ATL1: variants seen among roughly 807,000 people sequenced by gnomAD.
ATL1 encodes the protein atlastin GTPase 1, also known as atlastin-1.
ATL1 carries 31 observed loss-of-function variants against 75.5 expected under a neutral mutation model. The ratio of observed to expected loss-of-function variants is 0.41; its 90% confidence interval spans 0.31 to 0.55. ATL1 has a LOEUF of 0.55. Among genes scored for constraint, ATL1 ranks in the 20% least tolerant of loss-of-function variants. ATL1 has a pLI of 0.27. For missense variants in ATL1, 405 were observed against 662.6 expected (o/e 0.61, Z 4.27); for synonymous variants, 226 against 233.3 (o/e 0.97, Z 0.28).
chr14:50,533,286 C>G (rs1402919420), exon 1 of ATL1: 1 of 152,054 alleles, frequency 6.6e-6, no homozygotes, highest in Non-Finnish European at 1.5e-5. Context: ...GGTTCTGGTT[C>G]TACCACTTCC....
chr14:50,598,254 T>C (rs1318342127), intron 6 of ATL1, among the ~76,000 whole-genome samples: 1 of 152,224 alleles, frequency 6.6e-6, no homozygotes, highest in East Asian at 1.9e-4. Context: ...TCAAACTCAG[T>C]GCAATTATAA....
intron 1 of ATL1, chr14:50,542,729 T>C (rs891376346): frequency 6.6e-6 from 1 of 152,196 alleles, no homozygotes; most frequent in Non-Finnish European, 1.5e-5. Context: ...GGTTTATTAA[T>C]GGTCTGCATA....
intron 1 of ATL1, among the ~76,000 whole-genome samples, chr14:50,539,308 C>G (rs1004921847): frequency 6.6e-6 from 1 of 152,172 alleles, no homozygotes; most frequent in African/African-American, 2.4e-5. Flanking sequence ...GTGAGGTTTA[C>G]TAAAATTATT....
upstream of ATL1, among the ~76,000 whole-genome samples, chr14:50,556,548 TG>T (rs1258733879): frequency 1.3e-5 from 2 of 152,158 alleles, no homozygotes; most frequent in African/African-American, 4.8e-5. Flanking sequence ...ACCCAAGAGT[TG>T]TGCAAAGTTG....
At chr14:50,591,692 T>C in intron 4 of ATL1, 53 bp downstream of exon 4, 1 of 1,246,226 alleles carries the variant, frequency 8.0e-7, no homozygotes, top group Non-Finnish European at 1.2e-6. Flanking sequence ...ATTATGAGTA[T>C]ATGTGTTTCT....
intron 1 of ATL1, among the ~76,000 whole-genome samples, chr14:50,585,176 T>C (rs1566722037): frequency 6.6e-6 from 1 of 152,338 alleles, no homozygotes; most frequent in East Asian, 1.9e-4. Flanking sequence ...GTTAAATTGC[T>C]GGCGGAAGTG....
chr14:50,555,848 C>G (rs2038759259), upstream of ATL1, among the ~76,000 whole-genome samples: 1 of 152,122 alleles, frequency 6.6e-6, no homozygotes, highest in Admixed American at 6.5e-5. Context: ...CAAAAGCATT[C>G]TAATTGACAT....
At chr14:50,608,139 GT>G (rs1178735327) in intron 6 of ATL1, among the ~76,000 whole-genome samples, 1 of 152,032 alleles carries the variant, frequency 6.6e-6, no homozygotes, top group Non-Finnish European at 1.5e-5. Flanking sequence ...GGCTTCATAT[GT>G]TTTTATCTGA....
intron 6 of ATL1, among the ~76,000 whole-genome samples, chr14:50,609,429 G>T (rs530311549): frequency 3.3e-5 from 5 of 152,098 alleles, no homozygotes; most frequent in African/African-American, 4.8e-5. Flanking sequence ...GTAGTTGATG[G>T]TGGTATTGGT....
intron 1 of ATL1, among the ~76,000 whole-genome samples, chr14:50,578,331 C>T (rs2039025574): frequency 6.6e-6 from 1 of 152,114 alleles, no homozygotes; most frequent in South Asian, 2.1e-4. Flanking sequence ...CTTCAAGAGC[C>T]TTGAACATAT....
At position 50,620,722 on chromosome 14, in the gene ATL1, T is replaced by C; in HGVS notation, c.986T>C (p.Phe329Ser). ...ACCTGCCGGGGTCTGGTGGAGTACT[T>C]CAAGGTATCACTCTCATTTCTAGAG... Reference protein sequence around the residue: ...KITCRGLVEYFKAYIKIYQGE... With the variant: ...KITCRGLVEYSKAYIKIYQGE... Residue 329 changes from phenylalanine (F) to serine (S), a missense_variant, in exon 9 of 14, where the codon TTC (phenylalanine) becomes TCC (serine). Physicochemically the swap from Phe to Ser is radical, Grantham distance 155 (BLOSUM62 -2). Around this residue, in one of 5 missense-constraint regions of ATL1, gnomAD observed 56 missense variants for 66.6 expected, o/e 0.84. Coordinates refer to ENST00000358385, the MANE Select transcript of ATL1 (RefSeq NM_015915.5). 6.2e-7 allele frequency: 1 copy of C among 1,613,296 alleles called. No individual in the cohort carries two copies. Among genetic ancestry groups the C allele is most frequent in the Non-Finnish European group, 8.5e-7 (1 of 1,179,418 alleles).
chr14:50,554,394 G>A (rs2038740158), intron 1 of ATL1, among the ~76,000 whole-genome samples: 1 of 152,118 alleles, frequency 6.6e-6, no homozygotes, highest in Admixed American at 6.5e-5. Flanking sequence ...CACAAGCCAT[G>A]GCTATACTTT....
intron 4 of ATL1, among the ~76,000 whole-genome samples, chr14:50,593,572 T>C (rs1053287573): frequency 1.1e-4 from 16 of 152,210 alleles, no homozygotes; most frequent in African/African-American, 3.6e-4. Flanking sequence ...TTTTGACTAA[T>C]TGCATAAATT....
intron 1 of ATL1, among the ~76,000 whole-genome samples, chr14:50,536,450 A>G (rs2038494376): frequency 6.7e-6 from 1 of 149,960 alleles, no homozygotes; most frequent in South Asian, 2.1e-4. Flanking sequence ...AAAAAAAAAA[A>G]AAAAAAATTG....
intron 1 of ATL1, among the ~76,000 whole-genome samples, chr14:50,540,226 G>C (rs1378642836): frequency 1.3e-5 from 2 of 152,188 alleles, no homozygotes; most frequent in Non-Finnish European, 2.9e-5. Context: ...TGCAAGGATA[G>C]GTGGTGCTAT....
exon 1 of ATL1, chr14:50,533,289 C>CCACTT (rs1332418933): frequency 2.0e-5 from 3 of 152,044 alleles, no homozygotes; most frequent in African/African-American, 7.2e-5. Flanking sequence ...TCTGGTTCTA[C>CCACTT]CACTTCCTCA....
At chr14:50,583,957 G>C (rs1307317168) in intron 1 of ATL1, among the ~76,000 whole-genome samples, 1 of 151,876 alleles carries the variant, frequency 6.6e-6, no homozygotes, top group African/African-American at 2.4e-5. Context: ...AGGAAAGAAG[G>C]GGCTTTGACA....
chr14:50,584,532 T>G (rs2039084213), intron 1 of ATL1, among the ~76,000 whole-genome samples: 1 of 151,906 alleles, frequency 6.6e-6, no homozygotes, highest in Non-Finnish European at 1.5e-5. Flanking sequence ...TGAAACCTTG[T>G]CTCTACTAAA....
At chr14:50,610,709 A>G (rs1250937941) in intron 6 of ATL1, among the ~76,000 whole-genome samples, 1 of 152,142 alleles carries the variant, frequency 6.6e-6, no homozygotes, top group Non-Finnish European at 1.5e-5. Context: ...TATTCAACAA[A>G]TCTGTATTAA....
Sources: gnomAD v4.1 joint callset for allele counts (sites outside exome capture counted in the v4.1 genomes callset) on GRCh38, gnomAD v4.1.1 for gene constraint, gnomAD v4.1.1 regional missense constraint, MANE v1.5 for transcripts, NCBI Gene and HGNC (gene_info 2026-07-23, HGNC 2026-07-21) for gene names.